SDK1: variants seen among roughly 807,000 people sequenced by gnomAD.
SDK1 encodes the protein protein sidekick-1.
In SDK1, 157 loss-of-function variants were observed where a neutral mutation model predicts 245.5. That is an observed-to-expected ratio of 0.64 (90% CI 0.56 to 0.73). The LOEUF (loss-of-function observed/expected upper bound fraction) is 0.73, where lower values mean the gene tolerates loss of function less well. Ranked by LOEUF, SDK1 falls within the 30% of genes least tolerant of loss-of-function variation. The probability of loss-of-function intolerance (pLI) is 0.00; values close to 1 mark genes in which losing one functional copy is unlikely to be tolerated. For missense variants in SDK1, 3,583 were observed against 3,002.3 expected (o/e 1.19, Z -4.52); for synonymous variants, 1,647 against 1,278.5 (o/e 1.29, Z -6.15).
chr7:3,723,924 G>GTATATATATA (rs375367373), intron 4 of SDK1, among the ~76,000 whole-genome samples: 3 of 65,302 alleles, frequency 4.6e-5, no homozygotes, highest in African/African-American at 2.1e-4. Context: ...ATATATACAC[G>GTATATATATA]TATATATATA....
Position 3,463,676 on chromosome 7 carries a change from C to T in SDK1, c.299-155404C>T, listed in dbSNP as rs111472913. ...CTACTTTATATCCCTCAGGAAAAAACGATGGAGCCAGGGCTTAGGCCTTGT... is the reference window on the plus strand; with the variant it reads ...CTACTTTATATCCCTCAGGAAAAAATGATGGAGCCAGGGCTTAGGCCTTGT... On this transcript the variant is annotated intron_variant, in intron 1 of 44. Transcript: ENST00000404826. Among the ~76,000 whole-genome samples, 267 of 152,254 alleles carry T rather than the reference C, an allele frequency of 1.8e-3. 1 individual carries two copies. The highest frequency in any genetic ancestry group is 6.1e-3 in the African/African-American group (255 of 41,558).
intron 19 of SDK1, among the ~76,000 whole-genome samples, chr7:4,066,645 C>T (rs1300543552): frequency 6.6e-6 from 1 of 152,212 alleles, no homozygotes; most frequent in Admixed American, 6.5e-5. Context: ...CCCTCCCCAT[C>T]ACCACACAGT....
At chr7:4,075,543 C>G (rs571002376) in intron 20 of SDK1, among the ~76,000 whole-genome samples, 69 of 152,172 alleles carry the variant, frequency 4.5e-4, no homozygotes, top group Non-Finnish European at 8.8e-4. Flanking sequence ...GACCTATGAG[C>G]TCTTTCCACC....
At chr7:4,003,435 T>A (rs944228032) in intron 14 of SDK1, among the ~76,000 whole-genome samples, 2 of 152,240 alleles carry the variant, frequency 1.3e-5, no homozygotes, top group African/African-American at 4.8e-5. Context: ...TATTGTTCAC[T>A]GCAGTCACTG....
At chr7:3,986,103 G>T (rs894806844) in intron 13 of SDK1, among the ~76,000 whole-genome samples, 3 of 152,070 alleles carry the variant, frequency 2.0e-5, no homozygotes, top group African/African-American at 7.2e-5. Context: ...TACAGGGCCC[G>T]GGCAGCTCAT....
In SDK1 at chr7:3,950,970, CCGGGCA is replaced by C; in HGVS notation, c.896_901del (p.Pro299_Asn301delinsHis). 6.2e-7 allele frequency: 1 copy of C among 1,614,078 alleles called. No individual in the cohort carries two copies. The highest frequency in any genetic ancestry group is 8.5e-7 in the Non-Finnish European group (1 of 1,180,004). On this transcript the variant is annotated inframe_deletion, in exon 6 of 45. Transcript: ENST00000404826. ...CATGGCCCCAACCATTGTGGTTCCC[CCGGGCA>C]ACAGAAGTGTGGTGGCTGGATCCAG...
chr7:4,112,962 C>T (rs117032361), intron 23 of SDK1, among the ~76,000 whole-genome samples: 4,489 of 152,078 alleles, frequency 0.03, 97 homozygotes, highest in Admixed American at 0.041. Context: ...CCATGTTGGC[C>T]AGGCTGATCT....
At chr7:3,760,858 G>A (rs1317414176) in intron 4 of SDK1, among the ~76,000 whole-genome samples, 1 of 152,238 alleles carries the variant, frequency 6.6e-6, no homozygotes, top group Non-Finnish European at 1.5e-5. Context: ...TATTTATGCT[G>A]TTGTGTGAAT....
intron 9 of SDK1, 33 bp from the exon 10 acceptor site, chr7:3,967,285 G>A: frequency 6.5e-7 from 1 of 1,538,422 alleles, no homozygotes; most frequent in Non-Finnish European, 9.0e-7. Flanking sequence ...TCAGGAACAA[G>A]GCCCTGATCA....
Position 4,204,504 on chromosome 7 carries a change from C to G in SDK1, c.5099-1375C>G, listed in dbSNP as rs183439276. ...GGGTGTTAATTACTATTTTATTCTG[C>G]GCTGGGGGGAGAGAGCAGAAAGTGG... On this transcript the variant is annotated intron_variant, in intron 35 of 44. Transcript: ENST00000404826. 6.0e-3 allele frequency among the ~76,000 whole-genome samples: 900 copies of G among 149,082 alleles called. 6 individuals are homozygous for G. Among genetic ancestry groups the G allele is most frequent in the African/African-American group, 0.021 (841 of 40,118 alleles).
chr7:3,933,209 C>G (rs1234282418), intron 5 of SDK1, among the ~76,000 whole-genome samples: 5 of 143,926 alleles, frequency 3.5e-5, no homozygotes, highest in African/African-American at 1.1e-4. Flanking sequence ...CTCCTGGGCT[C>G]AAGTGATCCT....
chr7:3,598,608 C>T (rs958791165), intron 1 of SDK1, among the ~76,000 whole-genome samples: 58 of 152,324 alleles, frequency 3.8e-4, no homozygotes, highest in African/African-American at 1.2e-3. Context: ...GTCACACCTT[C>T]CTCATTTCCC....
rs934819724 is a variant in SDK1 at position 4,265,346 on chromosome 7, G to T, written c.6604G>T (p.Ala2202Ser). 1.4e-6 allele frequency: 2 copies of T among 1,464,072 alleles called. No homozygotes were observed. The highest frequency in any genetic ancestry group is 1.8e-6 in the Non-Finnish European group (2 of 1,121,114). The allele number at this position is 1,464,072 out of a possible 1,614,324, so 90.7% of individuals were successfully genotyped here. ...CGTCTACACCCCCGCTGGCCCCGGCGCGCGAACTCCGCTCACCGGCTTCTC... is the reference window on the plus strand; with the variant it reads ...CGTCTACACCCCCGCTGGCCCCGGCTCGCGAACTCCGCTCACCGGCTTCTC... ...GGVYTPAGPGARTPLTGFSSF... is the reference protein window; with the variant it reads ...GGVYTPAGPGSRTPLTGFSSF... The change falls in exon 45 of 45, where the codon GCG becomes TCG. Residue 2202 changes from alanine (A) to serine (S), a missense_variant. Physicochemically the swap from Ala to Ser is moderately conservative, Grantham distance 99. Transcript: ENST00000404826.
intron 1 of SDK1, among the ~76,000 whole-genome samples, chr7:3,606,696 C>T (rs933681267): frequency 2.0e-5 from 3 of 152,148 alleles, no homozygotes; most frequent in African/African-American, 7.2e-5. Context: ...CCGTTCTCAA[C>T]GAGGCCTTTT....
intron 5 of SDK1, among the ~76,000 whole-genome samples, chr7:3,882,753 C>T (rs992791239): frequency 3.4e-4 from 52 of 152,112 alleles, no homozygotes; most frequent in African/African-American, 1.2e-3. Context: ...GCCAACTTGG[C>T]AGGGTCTCTC....
At chr7:4,241,203 C>T (rs1441163410) in intron 42 of SDK1, among the ~76,000 whole-genome samples, 1 of 152,212 alleles carries the variant, frequency 6.6e-6, no homozygotes, top group Non-Finnish European at 1.5e-5. Context: ...GTTCGTGTCA[C>T]CTCAAAAGGA....
chr7:3,809,148 T>C (rs972501517), intron 4 of SDK1, among the ~76,000 whole-genome samples: 2 of 152,038 alleles, frequency 1.3e-5, no homozygotes, highest in African/African-American at 4.8e-5. Context: ...CTTCTAATCA[T>C]GGCAGAAGGC....
intron 1 of SDK1, among the ~76,000 whole-genome samples, chr7:3,584,883 C>A (rs1240864838): frequency 6.6e-6 from 1 of 152,058 alleles, no homozygotes; most frequent in Admixed American, 6.6e-5. Context: ...GCCATCACAC[C>A]TGGCTAATTT....
chr7:3,587,973 A>G lies in SDK1; in HGVS notation c.299-31107A>G, dbSNP rs183855077. On this transcript the variant is annotated intron_variant, in intron 1 of 44. Coordinates refer to ENST00000404826, the MANE Select transcript of SDK1 (RefSeq NM_152744.4). ...ATCCAATAGACTTATGTCTATGCCA[A>G]TACAGGCTTGCTCTTGAAAAGCTGC... Among the ~76,000 whole-genome samples, 5 of 152,356 alleles carry G rather than the reference A, an allele frequency of 3.3e-5. No individual in the cohort carries two copies. In the South Asian group the frequency reaches 6.2e-4, roughly 19 times the overall value.
Sources: allele counts gnomAD v4.1 joint callset (sites outside exome capture counted in the v4.1 genomes callset), GRCh38; gene constraint gnomAD v4.1.1; transcripts MANE v1.5; gene names NCBI Gene and HGNC (gene_info 2026-07-23, HGNC 2026-07-21).